Variants in AUH observed in about 807,000 individuals in gnomAD.
AUH encodes AU RNA binding methylglutaconyl-CoA hydratase, also known as methylglutaconyl-CoA hydratase, mitochondrial.
AUH carries 29 observed loss-of-function variants against 42.3 expected under a neutral mutation model. That is an observed-to-expected ratio of 0.69 (90% CI 0.51 to 0.93). AUH has a LOEUF of 0.93. Ranked by LOEUF, AUH falls within the 40% of genes least tolerant of loss-of-function variation. The probability of loss-of-function intolerance (pLI) is 0.00; values close to 1 mark genes in which losing one functional copy is unlikely to be tolerated. For synonymous variants in AUH, 174 were observed against 166.4 expected, an observed-to-expected ratio of 1.05 and a Z score of -0.35; for missense variants, 452 against 438.1, an observed-to-expected ratio of 1.03 and a Z score of -0.28.
chr9:91,223,339 T>G (rs2131231458), intron 6 of AUH, among the ~76,000 whole-genome samples: 1 of 152,232 alleles, frequency 6.6e-6, no homozygotes, highest in East Asian at 1.9e-4. Flanking sequence ...TTTCTGTGAT[T>G]CACCTGTTTC....
intron 6 of AUH, among the ~76,000 whole-genome samples, chr9:91,244,881 G>A (rs761542945): frequency 3.3e-5 from 5 of 152,200 alleles, no homozygotes; most frequent in African/African-American, 7.2e-5. Context: ...TTGAGATGCA[G>A]AGGTTAAAGG....
chr9:91,339,388 G>C (rs1277148939), intron 3 of AUH, among the ~76,000 whole-genome samples: 1 of 152,160 alleles, frequency 6.6e-6, no homozygotes, highest in Admixed American at 6.5e-5. Context: ...GTATGGATCA[G>C]CAACTCTGAA....
chr9:91,269,383 G>A (rs1824928821), intron 6 of AUH, among the ~76,000 whole-genome samples: 1 of 152,228 alleles, frequency 6.6e-6, no homozygotes, highest in Non-Finnish European at 1.5e-5. Context: ...AAGGCCTACA[G>A]TGAAAATATG....
intron 6 of AUH, chr9:91,294,709 A>G (rs1344402008): frequency 4.4e-6 from 2 of 455,948 alleles, no homozygotes; most frequent in African/African-American, 4.0e-5. Flanking sequence ...AAGAGGCCAG[A>G]ATATCAATAT....
chr9:91,288,322 TAAAGG>T (rs1826581226), intron 6 of AUH, among the ~76,000 whole-genome samples: 1 of 152,288 alleles, frequency 6.6e-6, no homozygotes, highest in East Asian at 1.9e-4. Flanking sequence ...GCAAATGTAT[TAAAGG>T]AAAGTACTGT....
chr9:91,262,764 A>C (rs1469424282), intron 6 of AUH, among the ~76,000 whole-genome samples: 1 of 152,146 alleles, frequency 6.6e-6, no homozygotes, highest in African/African-American at 2.4e-5. Flanking sequence ...AAACTCCGTA[A>C]CTACTCCATC....
Position 91,217,213 on chromosome 9 carries a change from G to C in AUH, c.894+64C>G. 2.0e-6 allele frequency: 3 copies of C among 1,490,312 alleles called. No individual in the cohort carries two copies. In the East Asian group the frequency reaches 6.8e-5, roughly 34 times the overall value. 92.3% of individuals were successfully genotyped at this position (1,490,312 alleles called of 1,614,324 possible). A position where few individuals can be genotyped will look rare whatever the true frequency, so the allele number is the denominator to read the frequency against. ...AAAAAAAATGTAGAAGTCTAAACAT[G>C]GTTCATTTAAATTAAATCTCCACTC... On this transcript the variant is annotated intron_variant, in intron 8 of 9. Coordinates refer to ENST00000375731, the MANE Select transcript of AUH (RefSeq NM_001698.3).
At chr9:91,290,381 CTTTAGCCTGGGTGACCAAGCA>C (rs776212776) in intron 6 of AUH, among the ~76,000 whole-genome samples, 64 of 152,186 alleles carry the variant, frequency 4.2e-4, no homozygotes, top group Admixed American at 1.0e-3. Flanking sequence ...CATCGCTGTC[CTTTAGCCTGGGTGACCAAGCA>C]AGACCCTGTC....
chr9:91,281,823 G>A (rs1179198302), intron 6 of AUH, among the ~76,000 whole-genome samples: 3 of 151,910 alleles, frequency 2.0e-5, no homozygotes, highest in Non-Finnish European at 4.4e-5. Context: ...CCCAGTAGAG[G>A]CCCCTATCAC....
intron 6 of AUH, among the ~76,000 whole-genome samples, chr9:91,276,042 T>C (rs1282936236): frequency 6.6e-6 from 1 of 152,040 alleles, no homozygotes; most frequent in Non-Finnish European, 1.5e-5. Context: ...ACAAAAGTAA[T>C]AACCAGAGCC....
At chr9:91,317,835 ATGT>A (rs1829270974) in intron 4 of AUH, among the ~76,000 whole-genome samples, 1 of 152,234 alleles carries the variant, frequency 6.6e-6, no homozygotes, top group Admixed American at 6.5e-5. Flanking sequence ...CCATGAATAC[ATGT>A]TGATATTTCT....
At chr9:91,320,131 T>A (rs917743438) in intron 4 of AUH, among the ~76,000 whole-genome samples, 1 of 152,212 alleles carries the variant, frequency 6.6e-6, no homozygotes, top group Non-Finnish European at 1.5e-5. Context: ...TTTGGACATA[T>A]GGTAATTGTA....
rs746203601 is a variant in AUH, at chr9:91,297,977, T to C, written c.598+7A>G. ...TAAATTATGTTTTTAACAGGATTAA[T>C]TCTTACCTGCTACTCGTATATCACA... is the stretch of plus-strand genomic sequence containing the variant. On this transcript the variant is annotated splice_region_variant and intron_variant, in intron 5 of 9. Coordinates refer to ENST00000375731, the MANE Select transcript of AUH (RefSeq NM_001698.3). The C allele has an allele frequency of 1.0e-5, 16 of 1,587,454 alleles. No homozygotes were observed. Among genetic ancestry groups the C allele is most frequent in the Non-Finnish European group, 1.4e-5 (16 of 1,155,782 alleles).
chr9:91,336,375 C>T (rs565622818), intron 3 of AUH, among the ~76,000 whole-genome samples: 2 of 152,180 alleles, frequency 1.3e-5, no homozygotes, highest in South Asian at 4.1e-4. Context: ...CTCATGCCTA[C>T]TCCCAACACT....
chr9:91,324,944 A>G (rs1829866743), intron 4 of AUH, among the ~76,000 whole-genome samples: 1 of 152,112 alleles, frequency 6.6e-6, no homozygotes, highest in Admixed American at 6.5e-5. Flanking sequence ...TAAAAATAAA[A>G]TAAATTGATA....
intron 1 of AUH, chr9:91,357,459 T>C: frequency 1.1e-5 from 11 of 957,240 alleles, no homozygotes; most frequent in Non-Finnish European, 1.4e-5. Context: ...ATGTGTCCAT[T>C]CATTCAAACA....
chr9:91,225,146 G>A (rs1827363874), intron 6 of AUH, among the ~76,000 whole-genome samples: 1 of 152,128 alleles, frequency 6.6e-6, no homozygotes, highest in African/African-American at 2.4e-5. Context: ...ATTCTTGCTG[G>A]TTAAGGAAGT....
At chr9:91,329,136 T>C (rs1181512822) in intron 3 of AUH, among the ~76,000 whole-genome samples, 2 of 152,170 alleles carry the variant, frequency 1.3e-5, no homozygotes, top group African/African-American at 4.8e-5. Flanking sequence ...TATCCCTTCA[T>C]CGGATGACAG....
chr9:91,254,145 C>A (rs956150066), intron 6 of AUH, among the ~76,000 whole-genome samples: 2 of 152,184 alleles, frequency 1.3e-5, no homozygotes, highest in Non-Finnish European at 2.9e-5. Flanking sequence ...AAAGCAGACA[C>A]AGGAAGACTG....
Sources: allele counts gnomAD v4.1 joint callset (sites outside exome capture counted in the v4.1 genomes callset), GRCh38; gene constraint gnomAD v4.1.1; transcripts MANE v1.5; gene names NCBI Gene and HGNC (gene_info 2026-07-23, HGNC 2026-07-21).